Variants in SLCO3A1 observed in about 807,000 individuals in gnomAD.
The protein encoded by SLCO3A1 is solute carrier organic anion transporter family member 3A1.
Under a neutral mutation model 63.1 loss-of-function variants are expected in SLCO3A1, and 27 were observed. The ratio of observed to expected loss-of-function variants is 0.43; its 90% CI spans 0.32 to 0.59. SLCO3A1 has a LOEUF of 0.59. Ranked by LOEUF, SLCO3A1 falls within the 20% of genes least tolerant of loss-of-function variation. The probability of loss-of-function intolerance (pLI) is 0.09; values close to 1 mark genes in which losing one functional copy is unlikely to be tolerated. For synonymous variants in SLCO3A1, 473 were observed against 409.9 expected (o/e 1.15, Z -1.86); for missense variants, 773 against 945.8 (o/e 0.82, Z 2.40).
chr15:92,150,860 T>G (rs2048295886), intron 8 of SLCO3A1, 90 bp from the exon 9 acceptor site: 1 of 828,888 alleles, frequency 1.2e-6, no homozygotes, highest in Non-Finnish European at 1.9e-6. Flanking sequence ...AGAGCTCTGA[T>G]GGACAGCAGC....
At chr15:91,898,206 C>A (rs548017699) in intron 1 of SLCO3A1, among the ~76,000 whole-genome samples, 1 of 152,158 alleles carries the variant, frequency 6.6e-6, no homozygotes, top group East Asian at 1.9e-4. Context: ...CTAAGCTTGT[C>A]GATCCCCAGT....
intron 1 of SLCO3A1, among the ~76,000 whole-genome samples, chr15:91,871,143 T>G (rs1237724915): frequency 1.3e-5 from 2 of 152,228 alleles, no homozygotes; most frequent in Non-Finnish European, 2.9e-5. Flanking sequence ...ATTTATTTAT[T>G]TGAAGGCTAT....
In SLCO3A1 at chr15:91,885,855, T is replaced by C. The variant is rs1245181970; in HGVS notation, c.181-30138T>C. On this transcript the variant is annotated intron_variant, in intron 1 of 9. Transcript: ENST00000318445. This position sits in a 1 kb window ranked among gnomAD's most constrained non-coding sequence, Gnocchi z 4.7. The stretch of plus-strand genomic sequence containing the variant: ...TTGAAAGAAGTGTGAGATCAAATTA[T>C]ATAACTATTTGGAGCAAGAATGTTT... Among the ~76,000 whole-genome samples, 2 of 152,170 alleles carry C rather than the reference T, an allele frequency of 1.3e-5. No homozygotes were observed. The highest frequency in any genetic ancestry group is 2.9e-5 in the Non-Finnish European group (2 of 68,038).
chr15:92,139,460 A>G (rs938982636), intron 7 of SLCO3A1, among the ~76,000 whole-genome samples: 4 of 152,222 alleles, frequency 2.6e-5, no homozygotes, highest in East Asian at 1.9e-4. Context: ...GTCTCTGCCC[A>G]GCTTTGGTGT....
intron 2 of SLCO3A1, among the ~76,000 whole-genome samples, chr15:91,993,957 A>G (rs932044481): frequency 1.3e-5 from 2 of 152,196 alleles, no homozygotes; most frequent in Non-Finnish European, 2.9e-5. Context: ...AGCCATGAAA[A>G]GAAGCCCCCT....
intron 2 of SLCO3A1, among the ~76,000 whole-genome samples, chr15:91,928,109 C>T (rs1370766362): frequency 6.6e-6 from 1 of 152,160 alleles, no homozygotes; most frequent in Admixed American, 6.5e-5. Context: ...AAATATCAGC[C>T]TTGTTACTGG....
chr15:92,087,724 G>T (rs2047423907), intron 2 of SLCO3A1, among the ~76,000 whole-genome samples: 1 of 151,982 alleles, frequency 6.6e-6, no homozygotes, highest in Non-Finnish European at 1.5e-5. Context: ...TCTCCATGTT[G>T]GTCAGGCTGG....
At chr15:92,141,783 C>G (rs2048135686) in intron 7 of SLCO3A1, among the ~76,000 whole-genome samples, 1 of 152,218 alleles carries the variant, frequency 6.6e-6, no homozygotes, top group Non-Finnish European at 1.5e-5. Flanking sequence ...GCCTCACGAC[C>G]TTATGCACCC....
intron 2 of SLCO3A1, among the ~76,000 whole-genome samples, chr15:91,934,507 A>G (rs1899339531): frequency 6.6e-6 from 1 of 152,160 alleles, no homozygotes; most frequent in African/African-American, 2.4e-5. Flanking sequence ...TTGCCAAATG[A>G]CTTCTTTTTA....
At chr15:92,065,070 T>TTTTGTTTGTTTGTTTGTTTGTTTG (rs35791741) in intron 2 of SLCO3A1, among the ~76,000 whole-genome samples, 2 of 150,972 alleles carry the variant, frequency 1.3e-5, no homozygotes, top group Middle Eastern at 3.4e-3. Flanking sequence ...TACCCACGTT[T>TTTTGTTTGTTTGTTTGTTTGTTTG]TTTGTTTGTT....
At chr15:91,992,813 G>A (rs2046143014) in intron 2 of SLCO3A1, among the ~76,000 whole-genome samples, 1 of 152,152 alleles carries the variant, frequency 6.6e-6, no homozygotes, top group African/African-American at 2.4e-5. Flanking sequence ...GTGAGTTAAG[G>A]CAATGGCACA....
chr15:92,148,517 G>GTT (rs994867405), intron 8 of SLCO3A1, among the ~76,000 whole-genome samples: 2 of 152,156 alleles, frequency 1.3e-5, no homozygotes, highest in African/African-American at 4.8e-5. Flanking sequence ...TACTTACTAA[G>GTT]TTTGAAAAAT....
intron 2 of SLCO3A1, among the ~76,000 whole-genome samples, chr15:92,092,889 AC>A (rs2047493826): frequency 6.6e-6 from 1 of 152,198 alleles, no homozygotes; most frequent in Non-Finnish European, 1.5e-5. Context: ...TCTAAAATGC[AC>A]CTTATTAACA....
At chr15:91,963,051 A>G (rs1289335555) in intron 2 of SLCO3A1, among the ~76,000 whole-genome samples, 1 of 152,050 alleles carries the variant, frequency 6.6e-6, no homozygotes, top group Admixed American at 6.5e-5. Context: ...CTTAATCTAA[A>G]TGGGTCCGGG....
Position 91,894,250 on chromosome 15 carries a change from G to T in SLCO3A1, c.181-21743G>T, listed in dbSNP as rs78971790. On this transcript the variant is annotated intron_variant, in intron 1 of 9. Transcript: ENST00000318445. This position sits in a 1 kb window ranked among gnomAD's most constrained non-coding sequence, Gnocchi z 4.8. ...TTGGAGAGGAGGGCAGGGGTGGGGGGTTTTATAGCATCTTGCAGGCCAGGA... is the reference window on the plus strand; with the variant it reads ...TTGGAGAGGAGGGCAGGGGTGGGGGTTTTTATAGCATCTTGCAGGCCAGGA... 0.011 allele frequency among the ~76,000 whole-genome samples: 1,676 copies of T among 151,748 alleles called. 31 individuals are homozygous for T. Among genetic ancestry groups the T allele is most frequent in the African/African-American group, 0.039 (1,610 of 41,352 alleles).
At chr15:92,016,254 T>TGA in intron 2 of SLCO3A1, among the ~76,000 whole-genome samples, 5 of 95,658 alleles carry the variant, frequency 5.2e-5, no homozygotes, top group African/African-American at 1.6e-4. Flanking sequence ...GATAGATAGA[T>TGA]TAGATAGATA....
At chr15:92,092,912 C>T (rs2047494068) in intron 2 of SLCO3A1, among the ~76,000 whole-genome samples, 1 of 152,308 alleles carries the variant, frequency 6.6e-6, no homozygotes, top group Admixed American at 6.5e-5. Flanking sequence ...AAATAAGATT[C>T]TACAGTTTCT....
intron 2 of SLCO3A1, among the ~76,000 whole-genome samples, chr15:92,076,064 A>T (rs1464450421): frequency 6.6e-6 from 1 of 152,244 alleles, no homozygotes; most frequent in East Asian, 1.9e-4. Flanking sequence ...TCCAGAGTTT[A>T]ATAATCCATC....
intron 2 of SLCO3A1, among the ~76,000 whole-genome samples, chr15:92,091,178 T>C (rs1282198622): frequency 6.6e-6 from 1 of 152,184 alleles, no homozygotes; most frequent in African/African-American, 2.4e-5. Context: ...CCTGGGGTCA[T>C]TGAATGGCTT....
Sources: allele counts gnomAD v4.1 joint callset (sites outside exome capture counted in the v4.1 genomes callset), GRCh38; gene constraint gnomAD v4.1.1; non-coding constraint Gnocchi (gnomAD v3.1); transcripts MANE v1.5; gene names NCBI Gene and HGNC (gene_info 2026-07-23, HGNC 2026-07-21).